Variants in RGS20 observed in about 807,000 individuals in gnomAD.
RGS20 encodes gz-selective GTPase-activating protein.
RGS20 carries 30 observed loss-of-function variants against 33.6 expected under a neutral mutation model. The observed-to-expected ratio is 0.89, with a 90% confidence interval of 0.67 to 1.21. The LOEUF (loss-of-function observed/expected upper bound fraction) is 1.21, where lower values mean the gene tolerates loss of function less well. RGS20 is among the 50% of genes most tolerant of loss of function. The pLI is 0.00. For missense variants in RGS20, 472 were observed against 502.4 expected, an observed-to-expected ratio of 0.94 and a Z score of 0.58; for synonymous variants, 208 against 197.9, an observed-to-expected ratio of 1.05 and a Z score of -0.43.
intron 1 of RGS20, among the ~76,000 whole-genome samples, chr8:53,875,094 A>G (rs1409203658): frequency 6.6e-6 from 1 of 152,208 alleles, no homozygotes; most frequent in Non-Finnish European, 1.5e-5. Context: ...GAAAGCTCGG[A>G]GAAGAATAAC....
chr8:53,862,876 A>G (rs181747315), intron 1 of RGS20, among the ~76,000 whole-genome samples: 19 of 152,300 alleles, frequency 1.2e-4, no homozygotes, highest in Admixed American at 1.2e-3. Context: ...TGGTTTATCC[A>G]TCAGAAATGG....
At chr8:53,853,970 A>C (rs1361367529) in intron 1 of RGS20, among the ~76,000 whole-genome samples, 3 of 152,202 alleles carry the variant, frequency 2.0e-5, no homozygotes, top group African/African-American at 7.2e-5. Flanking sequence ...ACATATATAG[A>C]GGCAGAAAGA....
intron 2 of RGS20, among the ~76,000 whole-genome samples, chr8:53,912,538 C>T (rs1051341114): frequency 2.0e-5 from 3 of 152,164 alleles, no homozygotes; most frequent in East Asian, 1.9e-4. Flanking sequence ...TTACATTCCT[C>T]AAATGAATTC....
chr8:53,935,113 G>C (rs749435459), intron 2 of RGS20, among the ~76,000 whole-genome samples: 1 of 152,138 alleles, frequency 6.6e-6, no homozygotes, highest in South Asian at 2.1e-4. Context: ...CTAAAGCAGC[G>C]TTTAGAGGGA....
rs376105935 is a variant in RGS20, at chr8:53,852,554, T to C, written c.165+490T>C. On this transcript the variant is annotated intron_variant, in intron 1 of 5. Coordinates refer to ENST00000297313, the MANE Select transcript of RGS20 (RefSeq NM_170587.4). ...TCAAAGTTTCCAAAGGTGAATTTCC[T>C]AAGCATGAGTTTCTATCAGTAGGTA... Among the ~76,000 whole-genome samples, 331 of 152,340 alleles carry C rather than the reference T, an allele frequency of 2.2e-3. 3 individuals are homozygous for C. Among genetic ancestry groups the C allele is most frequent in the African/African-American group, 7.0e-3 (293 of 41,582 alleles).
intron 1 of RGS20, among the ~76,000 whole-genome samples, chr8:53,861,632 G>A (rs930640086): frequency 6.6e-6 from 1 of 152,204 alleles, no homozygotes; most frequent in South Asian, 2.1e-4. Context: ...AGAGGATCAT[G>A]TTCTGAAGGA....
At chr8:53,906,172 T>C (rs540940009) in intron 2 of RGS20, among the ~76,000 whole-genome samples, 79 of 152,192 alleles carry the variant, frequency 5.2e-4, no homozygotes, top group African/African-American at 1.7e-3. Context: ...TCCCAGCATT[T>C]TGGGAGGCTG....
In RGS20 at chr8:53,877,109, C is replaced by T. The variant is rs1358189685; in HGVS notation, c.166-2149C>T. Among the ~76,000 whole-genome samples the T allele has an allele frequency of 6.6e-6, 1 of 152,194 alleles. No individual in the cohort carries two copies. Among genetic ancestry groups the T allele is most frequent in the Non-Finnish European group, 1.5e-5 (1 of 68,022 alleles). On this transcript the variant is annotated intron_variant, in intron 1 of 5. Coordinates refer to ENST00000297313, the MANE Select transcript of RGS20 (RefSeq NM_170587.4). The surrounding 1 kb of genome is among the most constrained non-coding windows in gnomAD (Gnocchi z 5.7). ...CCCACGAAAGGCTTTGGAGCTCGCT[C>T]GGGCTCCTCGAAGTTGGGCGTGCGT...
rs371401074 is a variant in RGS20, at chr8:53,954,688, C to T, written c.978+378C>T. Among the ~76,000 whole-genome samples, 472 of 133,900 alleles carry T rather than the reference C, an allele frequency of 3.5e-3. 2 individuals are homozygous for T. The highest frequency in any genetic ancestry group is 0.012 in the African/African-American group (453 of 38,524). The allele number at this position is 133,900 out of a possible 152,430, so 87.8% of individuals were successfully genotyped here. A position where few individuals can be genotyped will look rare whatever the true frequency, so the allele number is the denominator to read the frequency against. ...TCAAAAAACTAAACAAAAGTAATTG[C>T]CTTTTTTTTTTTTTTTTGAGATGGA... On this transcript the variant is annotated intron_variant, in intron 5 of 5. Transcript: ENST00000297313.
At chr8:53,886,930 G>A (rs1585888531) in intron 2 of RGS20, 2 of 152,224 alleles carry the variant, frequency 1.3e-5, no homozygotes, top group East Asian at 3.8e-4. Context: ...GTCTCAGGGT[G>A]GGGTGATAAT....
At chr8:53,921,551 A>T (rs1050884344) in intron 2 of RGS20, among the ~76,000 whole-genome samples, 4 of 148,854 alleles carry the variant, frequency 2.7e-5, no homozygotes, top group African/African-American at 9.9e-5. Flanking sequence ...TTCCATTTAG[A>T]TTTTTTCTTC....
Position 53,939,657 on chromosome 8 carries a change from C to T in RGS20, c.592C>T (p.Pro198Ser), listed in dbSNP as rs1217688241. Residue 198 changes from proline to serine, a missense_variant, in exon 3 of 6, where the codon CCC becomes TCC. Physicochemically the swap from Pro to Ser is moderately conservative, Grantham distance 74. Coordinates refer to ENST00000297313, the MANE Select transcript of RGS20 (RefSeq NM_170587.4). ...CACACCAGGCGCCGCCCCAGGCCAG[C>T]CCGGAGCGGGGAGTCGCGGGTCCAA... 2 of 1,591,322 alleles carry T rather than the reference C, an allele frequency of 1.3e-6. No individual in the cohort carries two copies. The highest frequency in any genetic ancestry group is 1.8e-5 in the Admixed American group (1 of 55,590).
chr8:53,878,525 C>T (rs1427907275), intron 1 of RGS20, among the ~76,000 whole-genome samples: 1 of 152,100 alleles, frequency 6.6e-6, no homozygotes, highest in African/African-American at 2.4e-5. Context: ...ATAAGAAGGA[C>T]ACATGGAGTT....
chr8:53,952,222 C>A (rs1814729167), intron 4 of RGS20, among the ~76,000 whole-genome samples: 1 of 137,744 alleles, frequency 7.3e-6, no homozygotes, highest in South Asian at 2.6e-4. Context: ...GGATTACAGG[C>A]ACATGCCACC....
chr8:53,891,897 A>G (rs1312141598), intron 2 of RGS20, among the ~76,000 whole-genome samples: 2 of 150,976 alleles, frequency 1.3e-5, no homozygotes, highest in Non-Finnish European at 2.9e-5. Context: ...TTAAATTATT[A>G]TTATTATTAC....
At chr8:53,880,840 G>C in intron 2 of RGS20, 32 bp from the exon 1 acceptor site, 1 of 1,376,592 alleles carries the variant, frequency 7.3e-7, no homozygotes, top group South Asian at 1.5e-5. Flanking sequence ...TTGCCCGGCC[G>C]GGTAAAAGGA....
intron 2 of RGS20, among the ~76,000 whole-genome samples, chr8:53,895,305 G>T (rs1812825266): frequency 6.6e-6 from 1 of 152,318 alleles, no homozygotes; most frequent in African/African-American, 2.4e-5. Flanking sequence ...GTCCAGGAGA[G>T]CTCCAACTGT....
Position 53,852,059 on chromosome 8 carries a change from A to T in RGS20, c.160A>T (p.Ile54Phe). Residue 54 changes from isoleucine to phenylalanine, a missense_variant, in exon 1 of 6, where the codon ATC becomes TTC. Around this residue, in one of 3 missense-constraint regions of RGS20, gnomAD observed 319 missense variants for 283.4 expected, o/e 1.13. Coordinates refer to ENST00000297313, the MANE Select transcript of RGS20 (RefSeq NM_170587.4). ...AGGAGACCTCAGGGCTGTTCCTGAT[A>T]TCAAGGTAAGGTGATTTCCACAATC... 1 of 1,610,062 alleles carries T rather than the reference A, an allele frequency of 6.2e-7. No individual in the cohort carries two copies. The highest frequency in any genetic ancestry group is 8.5e-7 in the Non-Finnish European group (1 of 1,177,612).
intron 2 of RGS20, among the ~76,000 whole-genome samples, chr8:53,916,280 C>A (rs1813480635): frequency 6.6e-6 from 1 of 152,188 alleles, no homozygotes; most frequent in Non-Finnish European, 1.5e-5. Flanking sequence ...CCTCAGCCTC[C>A]CAAAGTGCTG....
Sources: gnomAD v4.1 joint callset for allele counts (sites outside exome capture counted in the v4.1 genomes callset) on GRCh38, gnomAD v4.1.1 for gene constraint, gnomAD v4.1.1 regional missense constraint, Gnocchi (gnomAD v3.1) non-coding constraint, MANE v1.5 for transcripts, NCBI Gene and HGNC (gene_info 2026-07-23, HGNC 2026-07-21) for gene names.